HHAT: variants seen among roughly 807,000 people sequenced by gnomAD.
HHAT encodes the protein protein-cysteine N-palmitoyltransferase HHAT.
HHAT carries 47 observed loss-of-function variants against 70.8 expected under a neutral mutation model. The observed-to-expected ratio is 0.66, with a 90% confidence interval of 0.53 to 0.85. The LOEUF (loss-of-function observed/expected upper bound fraction) is 0.85, where lower values mean the gene tolerates loss of function less well. Ranked by LOEUF, HHAT falls within the 40% of genes least tolerant of loss-of-function variation. The probability of loss-of-function intolerance (pLI) is 0.00; values close to 1 mark genes in which losing one functional copy is unlikely to be tolerated. For synonymous variants in HHAT, 228 were observed against 247.6 expected (o/e 0.92, Z 0.74); for missense variants, 609 against 604.8 (o/e 1.01, Z -0.07).
At chr1:210,554,780 G>C (rs2095557861) in intron 9 of HHAT, among the ~76,000 whole-genome samples, 1 of 152,086 alleles carries the variant, frequency 6.6e-6, no homozygotes, top group Non-Finnish European at 1.5e-5. Context: ...GAGATCTGAG[G>C]GTCAGGAGAG....
intron 9 of HHAT, among the ~76,000 whole-genome samples, chr1:210,566,700 A>G (rs1291454970): frequency 2.0e-5 from 3 of 152,096 alleles, no homozygotes; most frequent in African/African-American, 7.2e-5. Flanking sequence ...GGGGAAGACC[A>G]TCTTTCCACT....
At chr1:210,340,573 T>A (rs1402668284) in intron 1 of HHAT, among the ~76,000 whole-genome samples, 1 of 152,242 alleles carries the variant, frequency 6.6e-6, no homozygotes, top group Non-Finnish European at 1.5e-5. Flanking sequence ...CTCTTATCTC[T>A]GCATAACTGC....
intron 10 of HHAT, 193 bp downstream of exon 10, chr1:210,588,292 G>A: frequency 1.8e-6 from 1 of 563,392 alleles, no homozygotes; most frequent in East Asian, 2.8e-5. Flanking sequence ...TTTGTGCATG[G>A]GTGTGTGTGT....
intron 9 of HHAT, among the ~76,000 whole-genome samples, chr1:210,545,448 T>TC (rs2095475201): frequency 1.3e-5 from 2 of 150,124 alleles, no homozygotes; most frequent in Non-Finnish European, 3.0e-5. Flanking sequence ...TTTTTTTTTT[T>TC]TTTTTGAGAT....
At chr1:210,462,516 A>G (rs2094000291) in intron 7 of HHAT, 3 of 152,206 alleles carry the variant, frequency 2.0e-5, no homozygotes, top group Admixed American at 2.0e-4. Context: ...ATGTATATAT[A>G]TTCACACACA....
At chr1:210,642,294 T>C (rs930684297) in intron 11 of HHAT, among the ~76,000 whole-genome samples, 12 of 152,244 alleles carry the variant, frequency 7.9e-5, no homozygotes, top group African/African-American at 2.9e-4. Flanking sequence ...AATTCATGTA[T>C]CTATTCAACT....
intron 8 of HHAT, among the ~76,000 whole-genome samples, chr1:210,507,966 A>G (rs954649489): frequency 6.6e-6 from 1 of 151,964 alleles, no homozygotes; most frequent in African/African-American, 2.4e-5. Context: ...TTGGGAGGCC[A>G]AGGCGAGTTG....
At position 210,400,623 on chromosome 1, in the gene HHAT, C is replaced by CCT. The variant is rs1266253084; in HGVS notation, c.433_434dup (p.Thr146ProfsTer3). On this transcript the variant is annotated frameshift_variant, in exon 5 of 12. Coordinates refer to ENST00000261458, the MANE Select transcript of HHAT (RefSeq NM_018194.6). LOFTEE classifies it high-confidence loss of function. The stretch of plus-strand genomic sequence containing the variant: ...TGACGTGGCTCTGTTCTCTCCTCCT[C>CCT]CTCTCCACACTGAGGCTGCAGGGTG... The CCT allele has an allele frequency of 1.2e-6, 2 of 1,613,968 alleles. No individual in the cohort carries two copies. Among genetic ancestry groups the CCT allele is most frequent in the African/African-American group, 2.7e-5 (2 of 74,922 alleles).
At chr1:210,669,854 GAGAGAC>G (rs1321891838) in intron 11 of HHAT, among the ~76,000 whole-genome samples, 1 of 152,238 alleles carries the variant, frequency 6.6e-6, no homozygotes, top group African/African-American at 2.4e-5. Flanking sequence ...TTAATGGGGA[GAGAGAC>G]AGAGACAGAG....
intron 11 of HHAT, among the ~76,000 whole-genome samples, chr1:210,655,314 C>A (rs1318405009): frequency 6.6e-6 from 1 of 152,202 alleles, no homozygotes; most frequent in African/African-American, 2.4e-5. Context: ...CACTGAGATC[C>A]TGGCTGTCTT....
chr1:210,508,969 G>C (rs900441024), intron 8 of HHAT, among the ~76,000 whole-genome samples: 7 of 152,152 alleles, frequency 4.6e-5, no homozygotes, highest in South Asian at 2.1e-4. Context: ...TGAATTATTT[G>C]AGATTAGGTT....
At chr1:210,350,180 T>C (rs774504906) in intron 2 of HHAT, among the ~76,000 whole-genome samples, 15 of 152,216 alleles carry the variant, frequency 9.9e-5, no homozygotes, top group Non-Finnish European at 1.3e-4. Flanking sequence ...TTTGTTGATA[T>C]CTACAAAATA....
At chr1:210,521,309 T>C (rs924510077) in intron 9 of HHAT, among the ~76,000 whole-genome samples, 8 of 152,154 alleles carry the variant, frequency 5.3e-5, no homozygotes, top group African/African-American at 1.9e-4. Flanking sequence ...GTCTCAAATA[T>C]CTTTGAATGG....
At chr1:210,628,148 C>T (rs1238882321) in intron 11 of HHAT, among the ~76,000 whole-genome samples, 1 of 151,916 alleles carries the variant, frequency 6.6e-6, no homozygotes, top group Non-Finnish European at 1.5e-5. Flanking sequence ...GCAGTGATCT[C>T]TCCACCGTCC....
In HHAT at chr1:210,491,067, G is replaced by T. The variant is rs540031260; in HGVS notation, c.1008-22086G>T. 7.5e-3 allele frequency among the ~76,000 whole-genome samples: 1,123 copies of T among 149,498 alleles called. 11 individuals carry two copies. The highest frequency in any genetic ancestry group is 0.024 in the African/African-American group (991 of 40,816). ...TGTGAGACACACACACACACATAGT[G>T]TGTGTGTGTGTGTGTGTGTCTGTGT... is the stretch of plus-strand genomic sequence containing the variant. On this transcript the variant is annotated intron_variant, in intron 8 of 11. Transcript: ENST00000261458.
intron 11 of HHAT, among the ~76,000 whole-genome samples, chr1:210,655,136 T>C (rs956429149): frequency 1.3e-5 from 2 of 148,562 alleles, no homozygotes; most frequent in Non-Finnish European, 2.9e-5. Context: ...CTGAGGCCCC[T>C]TCCCCGGAGG....
At chr1:210,622,908 T>C (rs1669130580) in intron 10 of HHAT, among the ~76,000 whole-genome samples, 2 of 152,226 alleles carry the variant, frequency 1.3e-5, no homozygotes, top group Non-Finnish European at 2.9e-5. Context: ...TAGGTTTACA[T>C]GCAGAAAGCA....
At chr1:210,474,922 A>T (rs1223309321) in intron 8 of HHAT, among the ~76,000 whole-genome samples, 2 of 150,548 alleles carry the variant, frequency 1.3e-5, no homozygotes, top group East Asian at 2.0e-4. Context: ...TCAATCAGGG[A>T]TTACTGCAGC....
chr1:210,570,470 G>A (rs1655989653), intron 9 of HHAT, among the ~76,000 whole-genome samples: 1 of 152,304 alleles, frequency 6.6e-6, no homozygotes, highest in East Asian at 1.9e-4. Flanking sequence ...GACTCCTGGA[G>A]GGTGTGAGAG....
Sources: gnomAD v4.1 joint callset for allele counts (sites outside exome capture counted in the v4.1 genomes callset) on GRCh38, gnomAD v4.1.1 for gene constraint, MANE v1.5 for transcripts, NCBI Gene and HGNC (gene_info 2026-07-23, HGNC 2026-07-21) for gene names.